The following PCDHGB5 variants were observed in gnomAD, a reference collection of about 807,000 sequenced individuals.
The protein encoded by PCDHGB5 is protocadherin gamma subfamily B, 5.
A neutral mutation model predicts 62.9 loss-of-function variants in PCDHGB5; 48 were observed. The ratio of observed to expected loss-of-function variants is 0.76; its 90% CI spans 0.61 to 0.97. PCDHGB5 has a LOEUF of 0.97. Among genes scored for constraint, PCDHGB5 ranks in the 50% least tolerant of loss-of-function variants. The pLI is 0.00. For synonymous variants in PCDHGB5, 474 were observed against 511.2 expected, an observed-to-expected ratio of 0.93 and a Z score of 0.98; for missense variants, 1,118 against 1,198.6, an observed-to-expected ratio of 0.93 and a Z score of 0.99.
intron 2 of PCDHGB5, among the ~76,000 whole-genome samples, chr5:141,498,573 A>G (rs7725519): frequency 0.52 from 78,890 of 151,684 alleles, 21,175 homozygotes; most frequent in African/African-American, 0.65. Flanking sequence ...CAGGGCTAGT[A>G]TTGAGTTCTT....
At position 141,398,707 on chromosome 5, in the gene PCDHGB5, C is replaced by T; in HGVS notation, c.580C>T (p.Leu194=). Residue 194 remains leucine (L), a synonymous_variant, in exon 1 of 4, where the codon CTG becomes TTG. Transcript: ENST00000617380. The part of the protein sequence containing the change: ...EKQDGSKYPE[L]ALEKTLDREQ... ...ACAGGATGGTAGTAAATACCCGGAACTGGCACTGGAGAAAACCTTAGACCG... is the reference window on the plus strand; with the variant it reads ...ACAGGATGGTAGTAAATACCCGGAATTGGCACTGGAGAAAACCTTAGACCG... The T allele has an allele frequency of 6.2e-7, 1 of 1,613,860 alleles. No homozygotes were observed. Among genetic ancestry groups the T allele is most frequent in the Non-Finnish European group, 8.5e-7 (1 of 1,179,902 alleles).
intron 1 of PCDHGB5, chr5:141,422,759 A>G (rs2096670710): frequency 6.2e-7 from 1 of 1,613,252 alleles, no homozygotes; most frequent in Non-Finnish European, 8.5e-7. Flanking sequence ...ATTAACTCCA[A>G]CACTGGTGTT....
At chr5:141,446,718 C>T (rs1279970040) in intron 1 of PCDHGB5, among the ~76,000 whole-genome samples, 4 of 152,174 alleles carry the variant, frequency 2.6e-5, no homozygotes, top group South Asian at 2.1e-4. Flanking sequence ...CTGCCCGCCT[C>T]GGCCTCCCAA....
Position 141,398,396 on chromosome 5 carries a change from T to A in PCDHGB5, c.269T>A (p.Leu90Gln), listed in dbSNP as rs1191920974. ...GGGGAGTTGCTTGTGAGCAGCAGGC[T>A]AGACAGGGAGGAGATATGCGGGAAG... ...ESGELLVSSR[L>Q]DREEICGKKP... Residue 90 changes from leucine to glutamine, a missense_variant, in exon 1 of 4, where the codon CTA (leucine) becomes CAA (glutamine). Leu to Gln is a moderately radical substitution (Grantham distance 113). This residue lies in a region of PCDHGB5 where 84 missense variants were observed against 169.5 expected (regional missense o/e 0.50). Transcript: ENST00000617380. 1 of 1,465,660 alleles carries A rather than the reference T, an allele frequency of 6.8e-7. No individual in the cohort carries two copies. The highest frequency in any genetic ancestry group is 1.2e-5 in the South Asian group (1 of 86,276). 90.8% of individuals were successfully genotyped at this position (1,465,660 alleles called of 1,614,324 possible). A position where few individuals can be genotyped will look rare whatever the true frequency, so the allele number is the denominator to read the frequency against.
rs1229623400 is a variant in PCDHGB5, at chr5:141,505,984, T to A, written c.2545+503T>A. 4.6e-5 allele frequency among the ~76,000 whole-genome samples: 7 copies of A among 152,198 alleles called. No homozygotes were observed. In the East Asian group the frequency reaches 1.4e-3, roughly 30 times the overall value. On this transcript the variant is annotated intron_variant, in intron 3 of 3. Coordinates refer to ENST00000617380, the MANE Select transcript of PCDHGB5 (RefSeq NM_018925.3). ...AGAAATCCCCAGCCGAGAGAACACC[T>A]CCTCTTTATGCGAGGCTCCTCTTTT...
At chr5:141,466,027 CAGG>C (rs1174989171) in intron 1 of PCDHGB5, among the ~76,000 whole-genome samples, 1 of 151,890 alleles carries the variant, frequency 6.6e-6, no homozygotes, top group African/African-American at 2.4e-5. Context: ...GAGGGTGAGG[CAGG>C]AGAACGGCAT....
intron 1 of PCDHGB5, among the ~76,000 whole-genome samples, chr5:141,446,746 C>T (rs1413869259): frequency 6.6e-6 from 1 of 152,170 alleles, no homozygotes; most frequent in Non-Finnish European, 1.5e-5. Context: ...GGATTACAGG[C>T]GTGAGCCACC....
rs1561668217 is a variant in PCDHGB5 at position 141,399,192 on chromosome 5, C to T, written c.1065C>T (p.Asn355=). Residue 355 remains asparagine, a synonymous_variant, in exon 1 of 4, where the codon AAC becomes AAT. Coordinates refer to ENST00000617380, the MANE Select transcript of PCDHGB5 (RefSeq NM_018925.3). ...CTCTACTTGAAATGATTCTGGAAAACGCGGTGCCTGGAACACTAATTGCTT... is the reference window on the plus strand; with the variant it reads ...CTCTACTTGAAATGATTCTGGAAAATGCGGTGCCTGGAACACTAATTGCTT... ...FHSLLEMILE[N]AVPGTLIALI... 1 of 1,613,846 alleles carries T rather than the reference C, an allele frequency of 6.2e-7. No homozygotes were observed. Among genetic ancestry groups the T allele is most frequent in the Non-Finnish European group, 8.5e-7 (1 of 1,179,830 alleles).
Position 141,477,029 on chromosome 5 carries a change from A to G in PCDHGB5, c.2398-17778A>G. 6.2e-7 allele frequency: 1 copy of G among 1,614,238 alleles called. No homozygotes were observed. The highest frequency in any genetic ancestry group is 8.5e-7 in the Non-Finnish European group (1 of 1,180,040). ...CTTAGACCTTGTAACCGGGATGCTG[A>G]CAATCAAGGGTCGGCTGGACTTCGA... On this transcript the variant is annotated intron_variant, in intron 1 of 3. Coordinates refer to ENST00000617380, the MANE Select transcript of PCDHGB5 (RefSeq NM_018925.3). The surrounding 1 kb of genome is among the most constrained non-coding windows in gnomAD (Gnocchi z 4.9).
rs746642302 is a variant in PCDHGB5, at chr5:141,491,107, A to G, written c.2398-3700A>G. The stretch of plus-strand genomic sequence containing the variant: ...AGCCCCAGGACTGTTCCTCGTGTCT[A>G]CACACACTGGTGAGGTGCGCACAGC... On this transcript the variant is annotated intron_variant, in intron 1 of 3. Coordinates refer to ENST00000617380, the MANE Select transcript of PCDHGB5 (RefSeq NM_018925.3). The surrounding 1 kb of genome is among the most constrained non-coding windows in gnomAD (Gnocchi z 6.9). 2.5e-6 allele frequency: 4 copies of G among 1,614,148 alleles called. No homozygotes were observed. Among genetic ancestry groups the G allele is most frequent in the Non-Finnish European group, 2.5e-6 (3 of 1,180,014 alleles).
chr5:141,506,471 C>T (rs2099854191), intron 3 of PCDHGB5, among the ~76,000 whole-genome samples: 2 of 148,834 alleles, frequency 1.3e-5, no homozygotes, highest in African/African-American at 5.0e-5. Flanking sequence ...AAAAAGAGCA[C>T]AGGCTTTAGA....
chr5:141,418,699 C>A, intron 1 of PCDHGB5: 1 of 1,614,014 alleles, frequency 6.2e-7, no homozygotes, highest in Non-Finnish European at 8.5e-7. Context: ...TCACTTATTC[C>A]TTCTTTGGTG....
intron 2 of PCDHGB5, among the ~76,000 whole-genome samples, chr5:141,497,622 C>G (rs1434147255): frequency 6.6e-6 from 1 of 151,538 alleles, no homozygotes; most frequent in African/African-American, 2.4e-5. Context: ...TCACTGCAAC[C>G]TCTGCCTGCC....
chr5:141,400,091 C>T lies in PCDHGB5; in HGVS notation c.1964C>T (p.Thr655Met). The T allele has an allele frequency of 2.5e-6, 4 of 1,614,072 alleles. No individual in the cohort carries two copies. The highest frequency in any genetic ancestry group is 1.1e-5 in the South Asian group (1 of 91,086). ...CAGCCGCCACTCTCCGCCACCGCCA[C>T]GCTGCACTTGGTCTTTGCTGACAGC... is the stretch of plus-strand genomic sequence containing the variant. ...GGQPPLSATA[T>M]LHLVFADSLQ... Residue 655 changes from threonine to methionine, a missense_variant, in exon 1 of 4, where the codon ACG becomes ATG. Physicochemically the swap from Thr to Met is moderately conservative, Grantham distance 81 (BLOSUM62 -1). Around this residue, in one of 2 missense-constraint regions of PCDHGB5, gnomAD observed 1,034 missense variants for 1,029.1 expected, o/e 1.00. Coordinates refer to ENST00000617380, the MANE Select transcript of PCDHGB5 (RefSeq NM_018925.3).
At chr5:141,411,846 T>C (rs962000304) in intron 1 of PCDHGB5, 1 of 151,734 alleles carries the variant, frequency 6.6e-6, no homozygotes, top group African/African-American at 2.4e-5. Context: ...GGTGACAGAG[T>C]GAGACCCTGT....
In PCDHGB5 at chr5:141,461,525, A is replaced by T. The variant is rs966592635; in HGVS notation, c.2398-33282A>T. ...TTGGTGATTTGTTAGTTCCTTGTAGATTCTGGATACTAGTCCTTTGTCAGA... is the reference window on the plus strand; with the variant it reads ...TTGGTGATTTGTTAGTTCCTTGTAGTTTCTGGATACTAGTCCTTTGTCAGA... On this transcript the variant is annotated intron_variant, in intron 1 of 3. Coordinates refer to ENST00000617380, the MANE Select transcript of PCDHGB5 (RefSeq NM_018925.3). 5.3e-5 allele frequency among the ~76,000 whole-genome samples: 8 copies of T among 152,106 alleles called. No individual in the cohort carries two copies. The South Asian group carries it at 1.7e-3, about 31-fold the overall frequency.
intron 1 of PCDHGB5, chr5:141,423,979 G>A: frequency 9.0e-7 from 1 of 1,115,484 alleles, no homozygotes. Flanking sequence ...CAGTGTATGA[G>A]GCTCTCAATT....
chr5:141,452,303 G>C (rs1271182127), intron 1 of PCDHGB5, among the ~76,000 whole-genome samples: 1 of 152,048 alleles, frequency 6.6e-6, no homozygotes, highest in Non-Finnish European at 1.5e-5. Flanking sequence ...GAAAATATTA[G>C]AGACTCATAC....
In PCDHGB5 at chr5:141,476,933, GA is replaced by G; in HGVS notation, c.2398-17872del. 1 of 1,614,176 alleles carries G rather than the reference GA, an allele frequency of 6.2e-7. No individual in the cohort carries two copies. Reference sequence around the variant, plus strand: ...ACAAGTCCTTGCAACGGATCTGGATGAAGGCCCCAACGGTGAAATTATTTAC... The same window carrying G: ...ACAAGTCCTTGCAACGGATCTGGATGAGGCCCCAACGGTGAAATTATTTAC... On this transcript the variant is annotated intron_variant, in intron 1 of 3. Transcript: ENST00000617380. This position sits in a 1 kb window ranked among gnomAD's most constrained non-coding sequence, Gnocchi z 7.6.
Sources: gnomAD v4.1 joint callset for allele counts (sites outside exome capture counted in the v4.1 genomes callset) on GRCh38, gnomAD v4.1.1 for gene constraint, gnomAD v4.1.1 regional missense constraint, Gnocchi (gnomAD v3.1) non-coding constraint, MANE v1.5 for transcripts, NCBI Gene and HGNC (gene_info 2026-07-23, HGNC 2026-07-21) for gene names.